HS2ST1: variants seen among roughly 807,000 people sequenced by gnomAD.
HS2ST1 encodes heparan sulfate 2-O-sulfotransferase 1.
A neutral mutation model predicts 42.9 loss-of-function variants in HS2ST1; 18 were observed. The observed-to-expected ratio is 0.42, with a 90% CI of 0.29 to 0.62. The LOEUF (loss-of-function observed/expected upper bound fraction) is 0.62. HS2ST1 is among the 20% of genes least tolerant of loss of function. The pLI, the probability that HS2ST1 is intolerant of heterozygous loss-of-function variation, is 0.21. For synonymous variants in HS2ST1, 146 were observed against 152.9 expected, an observed-to-expected ratio of 0.95 and a Z score of 0.33; for missense variants, 334 against 433.8, an observed-to-expected ratio of 0.77 and a Z score of 2.04.
At chr1:87,102,588 C>G (rs1304515071) in intron 5 of HS2ST1, among the ~76,000 whole-genome samples, 2 of 152,202 alleles carry the variant, frequency 1.3e-5, no homozygotes, top group African/African-American at 4.8e-5. Context: ...TATTTATCCT[C>G]TGGCCTTTTA....
At chr1:87,050,850 A>G (rs1284520069) in intron 1 of HS2ST1, among the ~76,000 whole-genome samples, 1 of 152,100 alleles carries the variant, frequency 6.6e-6, no homozygotes, top group Non-Finnish European at 1.5e-5. Context: ...TGGCACCATT[A>G]CAGGAAAAAA....
chr1:86,954,040 TAAAAAAAAAAAAAAAAA>T (rs367757359), intron 1 of HS2ST1, among the ~76,000 whole-genome samples: 58 of 67,358 alleles, frequency 8.6e-4, no homozygotes, highest in Admixed American at 5.2e-3. Context: ...CTGTTTTTTT[TAAAAAAAAAAAAAAAAA>T]AAAAAAAAAA....
At chr1:86,963,643 A>G (rs564421414) in intron 1 of HS2ST1, among the ~76,000 whole-genome samples, 2 of 151,676 alleles carry the variant, frequency 1.3e-5, no homozygotes, top group Non-Finnish European at 2.9e-5. Flanking sequence ...CATCGTCATC[A>G]TGGCCCGTTC....
intron 1 of HS2ST1, among the ~76,000 whole-genome samples, chr1:87,049,230 G>A (rs1208953152): frequency 2.0e-5 from 3 of 151,674 alleles, no homozygotes; most frequent in African/African-American, 4.8e-5. Context: ...ATTGTCTGTA[G>A]TATTCTCTCC....
chr1:86,963,270 A>G (rs1357950835), intron 1 of HS2ST1, among the ~76,000 whole-genome samples: 1 of 152,090 alleles, frequency 6.6e-6, no homozygotes, highest in Non-Finnish European at 1.5e-5. Context: ...ACAAGTGAAC[A>G]AAGGTCTCTG....
chr1:86,954,681 T>G (rs1355416840), intron 1 of HS2ST1, among the ~76,000 whole-genome samples: 1 of 152,196 alleles, frequency 6.6e-6, no homozygotes, highest in Non-Finnish European at 1.5e-5. Context: ...TTGTTCCACT[T>G]TCTTCTCATG....
intron 1 of HS2ST1, among the ~76,000 whole-genome samples, chr1:86,944,479 C>T (rs985184974): frequency 1.3e-5 from 2 of 152,044 alleles, no homozygotes; most frequent in African/African-American, 4.8e-5. Flanking sequence ...CTCAGCCTCC[C>T]GAGTAGCTGG....
At chr1:87,072,440 A>C (rs753657058) in intron 1 of HS2ST1, among the ~76,000 whole-genome samples, 1 of 152,196 alleles carries the variant, frequency 6.6e-6, no homozygotes, top group Non-Finnish European at 1.5e-5. Flanking sequence ...CTTAAATTAT[A>C]AGTAATTTCT....
intron 1 of HS2ST1, among the ~76,000 whole-genome samples, chr1:87,003,751 A>G (rs944500665): frequency 1.3e-5 from 2 of 152,178 alleles, no homozygotes; most frequent in African/African-American, 4.8e-5. Flanking sequence ...ATACAGTATA[A>G]CAACCATTTA....
intron 1 of HS2ST1, among the ~76,000 whole-genome samples, chr1:87,033,577 CT>C (rs1486714502): frequency 6.6e-6 from 1 of 152,052 alleles, no homozygotes; most frequent in Non-Finnish European, 1.5e-5. Flanking sequence ...GAGTTTCACT[CT>C]TGTCACCCAG....
Position 87,104,836 on chromosome 1 carries a change from G to A in HS2ST1, c.*140G>A, listed in dbSNP as rs1490926961. On this transcript the variant is annotated 3_prime_UTR_variant, in exon 7 of 7. Transcript: ENST00000370550. The stretch of plus-strand genomic sequence containing the variant: ...GCCAAATTAGGAAACAGACAGTAAC[G>A]TCAAGGAAGTAGATACTGGCTGGCA... 5.1e-6 allele frequency: 3 copies of A among 593,772 alleles called. No individual in the cohort carries two copies. The highest frequency in any genetic ancestry group is 6.0e-6 in the Non-Finnish European group (2 of 334,944). 36.8% of individuals were successfully genotyped at this position (593,772 alleles called of 1,614,324 possible). A position where few individuals can be genotyped will look rare whatever the true frequency, so the allele number is the denominator to read the frequency against.
intron 1 of HS2ST1, among the ~76,000 whole-genome samples, chr1:87,054,245 TC>T (rs35225648): frequency 4.6e-5 from 7 of 152,188 alleles, no homozygotes; most frequent in Admixed American, 2.0e-4. Flanking sequence ...GGCTTCATTC[TC>T]CATTGAAATT....
At chr1:86,978,141 A>T (rs1222369040) in intron 1 of HS2ST1, among the ~76,000 whole-genome samples, 2 of 152,230 alleles carry the variant, frequency 1.3e-5, no homozygotes, top group African/African-American at 4.8e-5. Context: ...AATAGGCTAT[A>T]GCATCTATTA....
At chr1:87,089,904 G>A (rs1427211569) in intron 3 of HS2ST1, among the ~76,000 whole-genome samples, 2 of 151,968 alleles carry the variant, frequency 1.3e-5, no homozygotes, top group African/African-American at 4.8e-5. Flanking sequence ...CAGGGACTAG[G>A]GGAAAGGAGG....
intron 1 of HS2ST1, among the ~76,000 whole-genome samples, chr1:86,955,695 CA>C (rs1647658124): frequency 6.6e-6 from 1 of 151,954 alleles, no homozygotes; most frequent in Non-Finnish European, 1.5e-5. Flanking sequence ...AAAACAAAAA[CA>C]AAAAAATGGC....
intron 1 of HS2ST1, among the ~76,000 whole-genome samples, chr1:86,970,029 G>A (rs1451249202): frequency 6.6e-6 from 1 of 151,750 alleles, no homozygotes; most frequent in Non-Finnish European, 1.5e-5. Flanking sequence ...GGGGGCTGAG[G>A]CAGGAGAATC....
chr1:86,956,189 T>TA (rs11427568), intron 1 of HS2ST1, among the ~76,000 whole-genome samples: 44,743 of 152,042 alleles, frequency 0.29, 8,484 homozygotes, highest in African/African-American at 0.54. Flanking sequence ...GGTTATTTAC[T>TA]GGGGTGGATC....
Position 86,993,232 on chromosome 1 carries a change from A to G in HS2ST1, c.124+78072A>G, listed in dbSNP as rs1649009687. ...AAAGGTACAGTTTGTAATGTATGCAACCATACTTAGAAATCTAAAAACTGA... is the reference window on the plus strand; with the variant it reads ...AAAGGTACAGTTTGTAATGTATGCAGCCATACTTAGAAATCTAAAAACTGA... On this transcript the variant is annotated intron_variant, in intron 1 of 6. Transcript: ENST00000370550. 1.2e-5 allele frequency: 16 copies of G among 1,351,442 alleles called. No homozygotes were observed. The South Asian group carries it at 2.3e-4, about 20-fold the overall frequency. The allele number at this position is 1,351,442 out of a possible 1,614,324, so 83.7% of individuals were successfully genotyped here. A position where few individuals can be genotyped will look rare whatever the true frequency, so the allele number is the denominator to read the frequency against.
At chr1:86,925,588 G>A (rs1660400072) in intron 1 of HS2ST1, among the ~76,000 whole-genome samples, 1 of 152,144 alleles carries the variant, frequency 6.6e-6, no homozygotes, top group Non-Finnish European at 1.5e-5. Flanking sequence ...AGCTTGTTCA[G>A]GGGAACGCCT....
Sources: gnomAD v4.1 joint callset for allele counts (sites outside exome capture counted in the v4.1 genomes callset) on GRCh38, gnomAD v4.1.1 for gene constraint, MANE v1.5 for transcripts, NCBI Gene and HGNC (gene_info 2026-07-23, HGNC 2026-07-21) for gene names.